The following SLC7A9 variants were observed in gnomAD, a reference collection of about 807,000 sequenced individuals.
The protein encoded by SLC7A9 is solute carrier family 7 member 9.
In SLC7A9, 38 loss-of-function variants were observed where a neutral mutation model predicts 54.1. That is an observed-to-expected ratio of 0.70 (90% confidence interval 0.54 to 0.92). SLC7A9 has a LOEUF of 0.92. Among genes scored for constraint, SLC7A9 ranks in the 40% least tolerant of loss-of-function variants. The pLI is 0.00. For synonymous variants in SLC7A9, 264 were observed against 258.9 expected, an observed-to-expected ratio of 1.02 and a Z score of -0.19; for missense variants, 537 against 636.1, an observed-to-expected ratio of 0.84 and a Z score of 1.68.
chr19:32,854,303 C>T (rs892130018), intron 9 of SLC7A9, among the ~76,000 whole-genome samples: 3 of 151,474 alleles, frequency 2.0e-5, no homozygotes, highest in Non-Finnish European at 2.9e-5. Context: ...TGTGAGCCAC[C>T]GTACCCATGC....
chr19:32,833,818 G>A (rs1967878823), intron 11 of SLC7A9, among the ~76,000 whole-genome samples: 1 of 151,720 alleles, frequency 6.6e-6, no homozygotes, highest in Non-Finnish European at 1.5e-5. Flanking sequence ...AAAAAAAATA[G>A]ATAAACTGTT....
At chr19:32,854,792 TG>T (rs1291105694) in intron 9 of SLC7A9, among the ~76,000 whole-genome samples, 4 of 152,158 alleles carry the variant, frequency 2.6e-5, no homozygotes, top group African/African-American at 9.7e-5. Flanking sequence ...TTCACCATGT[TG>T]GCCAGTTTGG....
chr19:32,834,290 C>T (rs1000456746), intron 11 of SLC7A9, among the ~76,000 whole-genome samples: 6 of 152,180 alleles, frequency 3.9e-5, no homozygotes, highest in Admixed American at 3.9e-4. Flanking sequence ...TCATCCATTT[C>T]TCCAGAGAGC....
intron 9 of SLC7A9, among the ~76,000 whole-genome samples, chr19:32,845,965 C>T (rs1161142384): frequency 6.6e-6 from 1 of 152,166 alleles, no homozygotes; most frequent in African/African-American, 2.4e-5. Flanking sequence ...GATTGCACCA[C>T]TGTACTCTAG....
chr19:32,856,200 T>G (rs1204327864), intron 9 of SLC7A9, among the ~76,000 whole-genome samples: 5 of 151,564 alleles, frequency 3.3e-5, no homozygotes, highest in Non-Finnish European at 7.4e-5. Context: ...TAGTGGTTTT[T>G]TTTTTTTTTT....
chr19:32,838,452 T>C (rs1968027393), intron 11 of SLC7A9, among the ~76,000 whole-genome samples: 1 of 148,772 alleles, frequency 6.7e-6, no homozygotes, highest in African/African-American at 2.4e-5. Flanking sequence ...TATGTGTATA[T>C]TATATAAGAA....
At chr19:32,858,769 T>TTTATTTATTTATTTAC in intron 8 of SLC7A9, among the ~76,000 whole-genome samples, 1 of 58,814 alleles carries the variant, frequency 1.7e-5, no homozygotes, top group African/African-American at 7.2e-5. Flanking sequence ...GGCATAAATC[T>TTTATTTATTTATTTAC]TTATTTATTT....
intron 11 of SLC7A9, among the ~76,000 whole-genome samples, chr19:32,835,465 A>G (rs1244323237): frequency 2.0e-5 from 3 of 152,224 alleles, no homozygotes; most frequent in Non-Finnish European, 2.9e-5. Context: ...GTACAACTCT[A>G]TACAGATAAA....
chr19:32,843,870 G>A lies in SLC7A9; in HGVS notation c.1059C>T (p.Pro353=), dbSNP rs139388814. The change falls in exon 10 of 13, where the codon CCC becomes CCT. Residue 353 remains proline, a synonymous_variant. Transcript: ENST00000023064. ...TTGTACTCACATAAAAGATGATGGC[G>A]GGGGCTGGAGTGAGGCGCCTGACGC... ...YISVRRLTPA[P]AIIFYGIIAT... is the part of the protein sequence containing the mutation. The A allele has an allele frequency of 1.1e-3, 1,757 of 1,613,090 alleles. 9 individuals carry two copies. The highest frequency in any genetic ancestry group is 6.0e-3 in the South Asian group (543 of 91,050).
At position 32,862,670 on chromosome 19, in the gene SLC7A9, T is replaced by A. The variant is rs1396872022; in HGVS notation, c.479-84A>T. On this transcript the variant is annotated intron_variant, in intron 4 of 12. Coordinates refer to ENST00000023064, the MANE Select transcript of SLC7A9 (RefSeq NM_014270.5). ...CTCCTTTCTTTTATATATTTTTTATTTTTTTTTTTTTTTGAGATGGAGTCT... is the reference window on the plus strand; with the variant it reads ...CTCCTTTCTTTTATATATTTTTTATATTTTTTTTTTTTTGAGATGGAGTCT... 2.3e-5 allele frequency: 23 copies of A among 1,015,942 alleles called. No individual in the cohort carries two copies. In the South Asian group the frequency reaches 2.7e-4, roughly 12 times the overall value. 62.9% of individuals were successfully genotyped at this position (1,015,942 alleles called of 1,614,324 possible).
Position 32,864,183 on chromosome 19 carries a change from T to C in SLC7A9, c.391A>G (p.Ser131Gly). The C allele has an allele frequency of 6.2e-7, 1 of 1,614,188 alleles. No homozygotes were observed. Among genetic ancestry groups the C allele is most frequent in the Non-Finnish European group, 8.5e-7 (1 of 1,180,020 alleles). ...GGCGCACACACATACTCGGAGAAGC[T>C]GAGGCAGATGATGGCGAAGGACGTG... ...KPTSFAIICL[S>G]FSEYVCAPFY... The change falls in exon 4 of 13, where the codon AGC becomes GGC. Residue 131 changes from serine to glycine, a missense_variant. By Grantham distance (56) the Ser-to-Gly change is moderately conservative. Transcript: ENST00000023064.
rs7247037 is a variant in SLC7A9, at chr19:32,843,787, G to T, written c.1074+68C>A. The T allele has an allele frequency of 4.2e-6, 5 of 1,201,408 alleles. No homozygotes were observed. In the East Asian group the frequency reaches 7.0e-5, roughly 17 times the overall value. 74.4% of individuals were successfully genotyped at this position (1,201,408 alleles called of 1,614,324 possible). ...GCATCTGGGTCATTTGGAAGCCGCC[G>T]GGCTTAGCACCCCATGGATGGAGTG... On this transcript the variant is annotated intron_variant, in intron 10 of 12. Transcript: ENST00000023064.
chr19:32,856,088 T>G (rs1337989142), intron 9 of SLC7A9, among the ~76,000 whole-genome samples: 1 of 152,042 alleles, frequency 6.6e-6, no homozygotes, highest in Non-Finnish European at 1.5e-5. Context: ...GAAATGTTGG[T>G]CAAAGGCTAC....
intron 2 of SLC7A9, 135 bp from the exon 3 acceptor site, chr19:32,864,911 G>C: frequency 4.4e-6 from 5 of 1,141,960 alleles, no homozygotes; most frequent in Non-Finnish European, 5.2e-6. Flanking sequence ...ACCCTGAGCG[G>C]CTGCCCTGGC....
At chr19:32,834,034 G>A (rs1318259013) in intron 11 of SLC7A9, among the ~76,000 whole-genome samples, 2 of 151,994 alleles carry the variant, frequency 1.3e-5, no homozygotes, top group Non-Finnish European at 1.5e-5. Flanking sequence ...ATGACAAGTT[G>A]GGCCCCTGAG....
At chr19:32,866,955 C>G (rs530396480) in intron 2 of SLC7A9, among the ~76,000 whole-genome samples, 80 of 152,342 alleles carry the variant, frequency 5.3e-4, no homozygotes, top group Non-Finnish European at 9.7e-4. Context: ...TGCTCAGCAC[C>G]TGCTGCTCCC....
intron 9 of SLC7A9, among the ~76,000 whole-genome samples, chr19:32,845,365 G>A (rs975430290): frequency 6.6e-6 from 1 of 151,930 alleles, no homozygotes; most frequent in East Asian, 1.9e-4. Flanking sequence ...TGTGGTGGCG[G>A]GCACCTGTAA....
rs1187379874 is a variant in SLC7A9, at chr19:32,858,422, A to G, written c.977+18T>C. The G allele has an allele frequency of 6.4e-7, 1 of 1,561,390 alleles. No individual in the cohort carries two copies. The highest frequency in any genetic ancestry group is 2.2e-5 in the East Asian group (1 of 44,620). On this transcript the variant is annotated intron_variant, in intron 9 of 12. Transcript: ENST00000023064. ...GCCGCCCCTGTCCACCCTGGGAGTG[A>G]CGGTGGGGGTCCCCTACCTGCCCGC... is the stretch of plus-strand genomic sequence containing the variant.
chr19:32,830,808 C>G, intron 12 of SLC7A9, 124 bp from the exon 13 acceptor site: 3 of 726,744 alleles, frequency 4.1e-6, no homozygotes, highest in Non-Finnish European at 7.1e-6. Context: ...AGACCCTGTG[C>G]TCAGGATGGC....
Sources: gnomAD v4.1 joint callset for allele counts (sites outside exome capture counted in the v4.1 genomes callset) on GRCh38, gnomAD v4.1.1 for gene constraint, MANE v1.5 for transcripts, NCBI Gene and HGNC (gene_info 2026-07-23, HGNC 2026-07-21) for gene names.